The following SSTR1 variants were observed in gnomAD, a reference collection of about 807,000 sequenced individuals.
SSTR1 encodes somatostatin receptor 1.
Under a neutral mutation model 20.7 loss-of-function variants are expected in SSTR1, and 10 were observed. That is an observed-to-expected ratio of 0.48 (90% CI 0.30 to 0.82). SSTR1 has a LOEUF of 0.82. SSTR1 is among the 40% of genes least tolerant of loss of function. The pLI is 0.07. For synonymous variants in SSTR1, 267 were observed against 227.8 expected (o/e 1.17, Z -1.55); for missense variants, 494 against 540.0 (o/e 0.91, Z 0.84).
rs1883332043 is a variant in SSTR1 at position 38,211,654 on chromosome 14, C to G, written c.*1089C>G. ...CTCCAGTGTATCTCAAAAGACCGGG[C>G]GCCAGGGGCGGGGGACCTAGGGCGA... On this transcript the variant is annotated 3_prime_UTR_variant, in exon 3 of 3. Transcript: ENST00000267377. 6.0e-6 allele frequency: 1 copy of G among 167,106 alleles called. No individual in the cohort carries two copies. 10.4% of individuals were successfully genotyped at this position (167,106 alleles called of 1,614,324 possible).
chr14:38,209,687 CT>C lies in SSTR1; in HGVS notation c.299del (p.Leu100ArgfsTer15), dbSNP rs759340668. ...GGCCACCAACATCTACATCCTAAAT[CT>C]GGCCATTGCTGATGAGCTGCTCATG... The part of the protein sequence containing the change: ...KTATNIYILN[L>X]AIADELLMLS... On this transcript the variant is annotated frameshift_variant, in exon 3 of 3. Coordinates refer to ENST00000267377, the MANE Select transcript of SSTR1 (RefSeq NM_001049.3). LOFTEE classifies it high-confidence loss of function. 6.2e-7 allele frequency: 1 copy of C among 1,614,100 alleles called. No individual in the cohort carries two copies. The highest frequency in any genetic ancestry group is 8.5e-7 in the Non-Finnish European group (1 of 1,180,032).
In SSTR1 at chr14:38,209,545, C is replaced by G. The variant is rs768735169; in HGVS notation, c.156C>G (p.Ser52Arg). The G allele has an allele frequency of 1.9e-6, 3 of 1,601,910 alleles. No homozygotes were observed. The highest frequency in any genetic ancestry group is 2.6e-6 in the Non-Finnish European group (3 of 1,172,192). ...GRNASQNGTL[S>R]EGQGSAILIS... ...ATGCGTCCCAGAACGGGACCTTGAG[C>G]GAGGGCCAGGGCAGCGCCATCCTGA... is the stretch of plus-strand genomic sequence containing the variant. The change falls in exon 3 of 3, where the codon AGC becomes AGG. Residue 52 changes from serine to arginine, a missense_variant. Transcript: ENST00000267377.
At chr14:38,208,873 ACT>A (rs1883264370) in intron 2 of SSTR1, among the ~76,000 whole-genome samples, 171 bp from the exon 3 acceptor site, 1 of 152,074 alleles carries the variant, frequency 6.6e-6, no homozygotes, top group African/African-American at 2.4e-5. Context: ...AGGCCGAGGA[ACT>A]CTCTTGGTTC....
chr14:38,210,910 C>A lies in SSTR1; in HGVS notation c.*345C>A, dbSNP rs1883316917. ...CTTCTATCCTTTCTTCCGCACCGTC[C>A]CGCCAGTGCAGATCACGAACTCATT... On this transcript the variant is annotated 3_prime_UTR_variant, in exon 3 of 3. Transcript: ENST00000267377. 1 of 275,020 alleles carries A rather than the reference C, an allele frequency of 3.6e-6. No homozygotes were observed. The highest frequency in any genetic ancestry group is 4.9e-5 in the Admixed American group (1 of 20,226). The allele number at this position is 275,020 out of a possible 1,614,324, so 17.0% of individuals were successfully genotyped here. A position where few individuals can be genotyped will look rare whatever the true frequency, so the allele number is the denominator to read the frequency against.
At position 38,209,368 on chromosome 14, in the gene SSTR1, C is replaced by T. The variant is rs761598886; in HGVS notation, c.-22C>T. The stretch of plus-strand genomic sequence containing the variant: ...GGAGAAAGCCCCAGCCCTGGCAGCC[C>T]CACTGGCCCCCCTCAGCTGGGATGT... On this transcript the variant is annotated 5_prime_UTR_variant, in exon 3 of 3. Transcript: ENST00000267377. The T allele has an allele frequency of 5.5e-6, 8 of 1,466,670 alleles. No individual in the cohort carries two copies. The highest frequency in any genetic ancestry group is 1.4e-5 in the African/African-American group (1 of 69,840). The allele number at this position is 1,466,670 out of a possible 1,614,324, so 90.9% of individuals were successfully genotyped here. A position where few individuals can be genotyped will look rare whatever the true frequency, so the allele number is the denominator to read the frequency against.
Position 38,209,632 on chromosome 14 carries a change from C to T in SSTR1, c.243C>T (p.Tyr81=), listed in dbSNP as rs146928458. 7.0e-5 allele frequency: 113 copies of T among 1,614,092 alleles called. No homozygotes were observed. The African/African-American group carries it at 1.4e-3, about 20-fold the overall frequency. ...TGTGTGGGAACTCTATGGTCATCTACGTGATCCTGCGCTATGCCAAGATGA... is the reference window on the plus strand; with the variant it reads ...TGTGTGGGAACTCTATGGTCATCTATGTGATCCTGCGCTATGCCAAGATGA... ...VGLCGNSMVI[Y]VILRYAKMKT... is the part of the protein sequence containing the mutation. The change falls in exon 3 of 3, where the codon TAC becomes TAT. Residue 81 remains tyrosine (Y), a synonymous_variant. Transcript: ENST00000267377.
Position 38,210,624 on chromosome 14 carries a change from G to T in SSTR1, c.*59G>T. 2 of 1,294,238 alleles carry T rather than the reference G, an allele frequency of 1.5e-6. No homozygotes were observed. Among genetic ancestry groups the T allele is most frequent in the South Asian group, 1.6e-5 (1 of 63,966 alleles). 80.2% of individuals were successfully genotyped at this position (1,294,238 alleles called of 1,614,324 possible). A position where few individuals can be genotyped will look rare whatever the true frequency, so the allele number is the denominator to read the frequency against. ...ACGCAGGGGCCCTGAGCCAAAAGAG[G>T]GGGAGAATGAGAAGGGAAGGCCGGG... On this transcript the variant is annotated 3_prime_UTR_variant, in exon 3 of 3. Coordinates refer to ENST00000267377, the MANE Select transcript of SSTR1 (RefSeq NM_001049.3).
chr14:38,211,818 T>C lies in SSTR1; in HGVS notation c.*1253T>C, dbSNP rs994589277. ...TTTCTTGTTTAACATATATATTTAT[T>C]AATTTATTTGTCGTGTTGGAAAATG... is the stretch of plus-strand genomic sequence containing the variant. On this transcript the variant is annotated 3_prime_UTR_variant, in exon 3 of 3. Transcript: ENST00000267377. 6.0e-5 allele frequency: 10 copies of C among 167,128 alleles called. No individual in the cohort carries two copies. Among genetic ancestry groups the C allele is most frequent in the African/African-American group, 2.4e-4 (10 of 41,478 alleles). The allele number at this position is 167,128 out of a possible 1,614,324, so 10.4% of individuals were successfully genotyped here.
chr14:38,209,826 A>G lies in SSTR1; in HGVS notation c.437A>G (p.Tyr146Cys). 2 of 1,613,670 alleles carry G rather than the reference A, an allele frequency of 1.2e-6. No individual in the cohort carries two copies. Among genetic ancestry groups the G allele is most frequent in the Non-Finnish European group, 1.7e-6 (2 of 1,179,996 alleles). The change falls in exon 3 of 3, where the codon TAC (tyrosine) becomes TGC (cysteine). Residue 146 changes from tyrosine (Y) to cysteine (C), a missense_variant. Around this residue, in one of 3 missense-constraint regions of SSTR1, gnomAD observed 116 missense variants for 174.6 expected, o/e 0.66. Transcript: ENST00000267377. ...GCGGTCAACATGTTCACCAGCATCT[A>G]CTGTCTGACTGTGCTCAGCGTGGAC... is the stretch of plus-strand genomic sequence containing the variant. ...VDAVNMFTSI[Y>C]CLTVLSVDRY...
At position 38,210,368 on chromosome 14, in the gene SSTR1, TCAGA is replaced by T. The variant is rs1181442144; in HGVS notation, c.982_985del (p.Asp328ThrfsTer113). On this transcript the variant is annotated frameshift_variant, in exon 3 of 3. Transcript: ENST00000267377. LOFTEE classifies it high-confidence loss of function. ...CAACCCCATCCTCTATGGCTTTCTCTCAGACAACTTCAAGCGCTCTTTCCAACGC... is the reference window on the plus strand; with the variant it reads ...CAACCCCATCCTCTATGGCTTTCTCTCAACTTCAAGCGCTCTTTCCAACGC... 1 of 1,614,214 alleles carries T rather than the reference TCAGA, an allele frequency of 6.2e-7. No homozygotes were observed. Among genetic ancestry groups the T allele is most frequent in the Admixed American group, 1.7e-5 (1 of 60,028 alleles).
chr14:38,209,611 T>C lies in SSTR1; in HGVS notation c.222T>C (p.Cys74=). ...CCGTGGTGTGCCTGGTGGGGCTGTGTGGGAACTCTATGGTCATCTACGTGA... is the reference window on the plus strand; with the variant it reads ...CCGTGGTGTGCCTGGTGGGGCTGTGCGGGAACTCTATGGTCATCTACGTGA... ...IYSVVCLVGL[C]GNSMVIYVIL... Residue 74 remains cysteine, a synonymous_variant, in exon 3 of 3, where the codon TGT becomes TGC. Transcript: ENST00000267377. 1 of 1,614,042 alleles carries C rather than the reference T, an allele frequency of 6.2e-7. No individual in the cohort carries two copies.
Position 38,211,939 on chromosome 14 carries a change from GC to G in SSTR1, c.*1378del, listed in dbSNP as rs1222372596. 2 of 167,058 alleles carry G rather than the reference GC, an allele frequency of 1.2e-5. No homozygotes were observed. The highest frequency in any genetic ancestry group is 2.9e-5 in the Non-Finnish European group (2 of 68,132). 10.3% of individuals were successfully genotyped at this position (167,058 alleles called of 1,614,324 possible). ...GAAGTGGAAGTAGGGGCAAGCTCTT[GC>G]CCCACTCCCTGGCCATCTCAACGCC... On this transcript the variant is annotated 3_prime_UTR_variant, in exon 3 of 3. Coordinates refer to ENST00000267377, the MANE Select transcript of SSTR1 (RefSeq NM_001049.3).
In SSTR1 at chr14:38,210,460, G is replaced by A; in HGVS notation, c.1071G>A (p.Ala357=). 1.2e-6 allele frequency: 2 copies of A among 1,614,002 alleles called. No individual in the cohort carries two copies. The highest frequency in any genetic ancestry group is 1.7e-6 in the Non-Finnish European group (2 of 1,180,036). ...AGCCGGTTGACTATTACGCCACCGC[G>A]CTCAAGAGCCGTGCCTACAGTGTGG... The part of the protein sequence containing the change: ...AEEPVDYYAT[A]LKSRAYSVED... Residue 357 remains alanine (A), a synonymous_variant, in exon 3 of 3, where the codon GCG becomes GCA. Transcript: ENST00000267377.
chr14:38,208,711 T>G (rs1883261329), intron 2 of SSTR1, 102 bp downstream of exon 2: 1 of 152,468 alleles, frequency 6.6e-6, no homozygotes, highest in Non-Finnish European at 1.5e-5. Flanking sequence ...GGAGAGAAGC[T>G]GGGGTCTCCA....
In SSTR1 at chr14:38,209,950, C is replaced by G. The variant is rs765028121; in HGVS notation, c.561C>G (p.Leu187=). ...TGGGCGTGTGGGTGCTATCGCTGCT[C>G]GTCATCCTGCCCATCGTGGTCTTCT... is the stretch of plus-strand genomic sequence containing the variant. ...VNLGVWVLSL[L]VILPIVVFSR... The change falls in exon 3 of 3, where the codon CTC becomes CTG. Residue 187 remains leucine, a synonymous_variant. Coordinates refer to ENST00000267377, the MANE Select transcript of SSTR1 (RefSeq NM_001049.3). The G allele has an allele frequency of 2.5e-6, 4 of 1,613,922 alleles. No homozygotes were observed. The highest frequency in any genetic ancestry group is 3.4e-6 in the Non-Finnish European group (4 of 1,180,044).
At position 38,211,239 on chromosome 14, in the gene SSTR1, A is replaced by C. The variant is rs1594459830; in HGVS notation, c.*674A>C. 6.4e-6 allele frequency: 1 copy of C among 155,706 alleles called. No homozygotes were observed. The highest frequency in any genetic ancestry group is 2.7e-5 in the African/African-American group (1 of 37,438). The allele number at this position is 155,706 out of a possible 1,614,324, so 9.6% of individuals were successfully genotyped here. On this transcript the variant is annotated 3_prime_UTR_variant, in exon 3 of 3. Transcript: ENST00000267377. ...CTCTCGCCGCCCGCCCGCCACCACCACTCTCACTCCACCCAGAGTAGAGCC... is the reference window on the plus strand; with the variant it reads ...CTCTCGCCGCCCGCCCGCCACCACCCCTCTCACTCCACCCAGAGTAGAGCC...
In SSTR1 at chr14:38,211,932, A is replaced by C. The variant is rs1001157299; in HGVS notation, c.*1367A>C. On this transcript the variant is annotated 3_prime_UTR_variant, in exon 3 of 3. Coordinates refer to ENST00000267377, the MANE Select transcript of SSTR1 (RefSeq NM_001049.3). ...GGGCATGGAAGTGGAAGTAGGGGCAAGCTCTTGCCCCACTCCCTGGCCATC... is the reference window on the plus strand; with the variant it reads ...GGGCATGGAAGTGGAAGTAGGGGCACGCTCTTGCCCCACTCCCTGGCCATC... The C allele has an allele frequency of 6.0e-5, 10 of 167,064 alleles. No individual in the cohort carries two copies. Among genetic ancestry groups the C allele is most frequent in the African/African-American group, 2.4e-4 (10 of 41,452 alleles). The allele number at this position is 167,064 out of a possible 1,614,324, so 10.3% of individuals were successfully genotyped here. A position where few individuals can be genotyped will look rare whatever the true frequency, so the allele number is the denominator to read the frequency against.
In SSTR1 at chr14:38,208,939, A is replaced by G. The variant is rs35618443; in HGVS notation, c.-344-107A>G. On this transcript the variant is annotated intron_variant, in intron 2 of 2. Transcript: ENST00000267377. ...CGAGGGAACCCCGGAAGGAGCCACT[A>G]AAGTTGAGCAGAGTGCAGGACTGGG... The G allele has an allele frequency of 4.6e-3, 724 of 156,842 alleles. 7 individuals carry two copies. Among genetic ancestry groups the G allele is most frequent in the Non-Finnish European group, 8.1e-3 (573 of 71,168 alleles). 9.7% of individuals were successfully genotyped at this position (156,842 alleles called of 1,614,324 possible).
intron 1 of SSTR1, 131 bp from the exon 2 acceptor site, chr14:38,208,312 C>G (rs970689187): frequency 4.6e-5 from 7 of 152,248 alleles, no homozygotes; most frequent in Non-Finnish European, 7.3e-5. Context: ...GCGCTACGAG[C>G]TTTATTAAGA....
Sources: gnomAD v4.1 joint callset for allele counts (sites outside exome capture counted in the v4.1 genomes callset) on GRCh38, gnomAD v4.1.1 for gene constraint, gnomAD v4.1.1 regional missense constraint, MANE v1.5 for transcripts, NCBI Gene and HGNC (gene_info 2026-07-23, HGNC 2026-07-21) for gene names.